Variants in NGEF observed in about 807,000 individuals in gnomAD.
The protein encoded by NGEF is ephexin-1.
NGEF carries 31 observed loss-of-function variants against 80.9 expected under a neutral mutation model. That is an observed-to-expected ratio of 0.38 (90% CI 0.29 to 0.52). NGEF has a LOEUF of 0.52. NGEF is among the 20% of genes least tolerant of loss of function. The probability of loss-of-function intolerance (pLI) is 0.84; values close to 1 mark genes in which losing one functional copy is unlikely to be tolerated. For synonymous variants in NGEF, 371 were observed against 370.2 expected (o/e 1.00, Z -0.03); for missense variants, 709 against 926.2 (o/e 0.77, Z 3.04).
At chr2:232,932,373 G>C (rs929866457) in intron 3 of NGEF, among the ~76,000 whole-genome samples, 2 of 151,812 alleles carry the variant, frequency 1.3e-5, no homozygotes, top group African/African-American at 4.8e-5. Flanking sequence ...CACCATGTTG[G>C]CCGGGCTGGT....
In NGEF at chr2:232,961,556, G is replaced by C. The variant is rs181638408; in HGVS notation, c.383+8658C>G. Among the ~76,000 whole-genome samples the C allele has an allele frequency of 7.9e-4, 120 of 152,064 alleles. 1 individual carries two copies. Among genetic ancestry groups the C allele is most frequent in the African/African-American group, 2.6e-3 (109 of 41,492 alleles). On this transcript the variant is annotated intron_variant, in intron 3 of 14. Transcript: ENST00000264051. ...CGCCCAGGCTGGAGTGCAGTGGCGC[G>C]ATCTCTGCTCACTGCAAGCTCCACC...
At chr2:232,978,240 C>G (rs1156709308) in intron 1 of NGEF, among the ~76,000 whole-genome samples, 1 of 151,770 alleles carries the variant, frequency 6.6e-6, no homozygotes, top group Non-Finnish European at 1.5e-5. Context: ...ACTTGAGGGG[C>G]TGGGCATGGT....
At chr2:232,888,354 AGTGTGCACACATGCACACC>A (rs1691765782) in intron 8 of NGEF, among the ~76,000 whole-genome samples, 1 of 108,606 alleles carries the variant, frequency 9.2e-6, no homozygotes, top group Non-Finnish European at 1.9e-5. Flanking sequence ...ACCTGCAAGC[AGTGTGCACACATGCACACC>A]GTGTAGAAAC....
intron 2 of NGEF, among the ~76,000 whole-genome samples, chr2:232,972,686 G>C (rs1196884364): frequency 2.0e-5 from 3 of 150,374 alleles, no homozygotes; most frequent in African/African-American, 7.3e-5. Flanking sequence ...CAGCCACCGG[G>C]TACCTGCATG....
rs1421039937 is a variant in NGEF, at chr2:232,920,512, T to G, written c.600A>C (p.Glu200Asp). 1 of 1,588,748 alleles carries G rather than the reference T, an allele frequency of 6.3e-7. No individual in the cohort carries two copies. Among genetic ancestry groups the G allele is most frequent in the Admixed American group, 1.7e-5 (1 of 57,828 alleles). Residue 200 changes from glutamate to aspartate, a missense_variant, in exon 5 of 15, where the codon GAA (glutamate) becomes GAC (aspartate). This residue lies in a region of NGEF where 283 missense variants were observed against 303.4 expected (regional missense o/e 0.93). Transcript: ENST00000264051. ...GGGACCCATTGGTATTGTCTTCTAT[T>G]TCTGCATCCTGTTGCCTCCTGGTTT... ...EIETRRQQDA[E>D]IEDNTNGSPA... is the part of the protein sequence containing the mutation.
chr2:232,942,787 C>T (rs550446953), intron 3 of NGEF, among the ~76,000 whole-genome samples: 6 of 115,626 alleles, frequency 5.2e-5, no homozygotes, highest in African/African-American at 1.1e-4. Flanking sequence ...CAGGAGACTC[C>T]GTCTCAAAAA....
rs10654316 is a variant in NGEF, at chr2:232,907,188, GA to G, written c.829-12273del. On this transcript the variant is annotated intron_variant, in intron 5 of 14. Transcript: ENST00000264051. The stretch of plus-strand genomic sequence containing the variant: ...AAAAAAAAAAAGAAAAGAAAAAAAA[GA>G]AAAAAAAAAAAAAAGGAGGAAAACA... Among the ~76,000 whole-genome samples the G allele has an allele frequency of 1.9e-3, 212 of 113,158 alleles. 3 individuals are homozygous for G. The highest frequency in any genetic ancestry group is 4.5e-3 in the Admixed American group (46 of 10,132). 74.2% of individuals were successfully genotyped at this position (113,158 alleles called of 152,430 possible). A position where few individuals can be genotyped will look rare whatever the true frequency, so the allele number is the denominator to read the frequency against.
intron 9 of NGEF, 136 bp from the exon 10 acceptor site, chr2:232,885,505 C>T (rs1164117315): frequency 1.4e-6 from 1 of 693,550 alleles, no homozygotes; most frequent in Non-Finnish European, 2.5e-6. Flanking sequence ...GCTGGCTGGC[C>T]AGTCTCAGTC....
At chr2:232,979,403 G>T (rs1694363592) in intron 1 of NGEF, among the ~76,000 whole-genome samples, 1 of 150,748 alleles carries the variant, frequency 6.6e-6, no homozygotes, top group East Asian at 2.0e-4. Flanking sequence ...CACAGGAAGA[G>T]ATTGTAAAAC....
At chr2:232,898,862 G>A (rs1692177594) in intron 5 of NGEF, among the ~76,000 whole-genome samples, 2 of 152,244 alleles carry the variant, frequency 1.3e-5, no homozygotes, top group South Asian at 2.1e-4. Context: ...AGACATACGC[G>A]AGTCAGGGTG....
intron 4 of NGEF, among the ~76,000 whole-genome samples, chr2:232,925,563 A>G (rs1693044782): frequency 6.6e-6 from 1 of 152,116 alleles, no homozygotes; most frequent in Non-Finnish European, 1.5e-5. Context: ...GACTTCTGCC[A>G]CCAGCCCAGC....
intron 3 of NGEF, among the ~76,000 whole-genome samples, chr2:232,932,191 A>T (rs1351622483): frequency 2.2e-5 from 3 of 135,730 alleles, no homozygotes; most frequent in East Asian, 2.1e-4. Context: ...TTGAGACAGA[A>T]TCTTGCTCTA....
chr2:232,929,884 G>T (rs1693183808), intron 3 of NGEF, among the ~76,000 whole-genome samples: 1 of 152,170 alleles, frequency 6.6e-6, no homozygotes, highest in South Asian at 2.1e-4. Flanking sequence ...AATCATGGGG[G>T]TGGTTTCCCC....
intron 3 of NGEF, among the ~76,000 whole-genome samples, chr2:232,951,234 T>C (rs897745535): frequency 6.6e-6 from 1 of 152,182 alleles, no homozygotes; most frequent in South Asian, 2.1e-4. Flanking sequence ...CCTCGATGTC[T>C]AGGGCTTTTC....
At chr2:232,988,345 A>T (rs1296676808) in intron 1 of NGEF, among the ~76,000 whole-genome samples, 1 of 152,240 alleles carries the variant, frequency 6.6e-6, no homozygotes, top group Non-Finnish European at 1.5e-5. Flanking sequence ...CAGAAAGTTG[A>T]TACAAATCAC....
At chr2:232,935,026 T>G (rs778346) in intron 3 of NGEF, among the ~76,000 whole-genome samples, 38,580 of 151,480 alleles carry the variant, frequency 0.25, 5,323 homozygotes, top group Non-Finnish European at 0.31. Context: ...AAAATAATAA[T>G]AAGAATAATT....
At chr2:233,004,726 C>T (rs1695051738) in intron 1 of NGEF, among the ~76,000 whole-genome samples, 1 of 152,178 alleles carries the variant, frequency 6.6e-6, no homozygotes, top group South Asian at 2.1e-4. Flanking sequence ...TCCCCTTCCC[C>T]CTGCTCCCTC....
intron 3 of NGEF, among the ~76,000 whole-genome samples, chr2:232,956,858 A>G (rs12616401): frequency 0.19 from 28,621 of 150,468 alleles, 2,924 homozygotes; most frequent in East Asian, 0.34. Context: ...AACAAAATAA[A>G]AGCGCATAAG....
intron 3 of NGEF, among the ~76,000 whole-genome samples, chr2:232,959,579 C>CGT (rs1693902580): frequency 7.1e-6 from 1 of 139,942 alleles, no homozygotes; most frequent in Non-Finnish European, 1.5e-5. Context: ...CAGCAATGAC[C>CGT]TTTTTTTTTT....
Sources: gnomAD v4.1 joint callset for allele counts (sites outside exome capture counted in the v4.1 genomes callset) on GRCh38, gnomAD v4.1.1 for gene constraint, gnomAD v4.1.1 regional missense constraint, MANE v1.5 for transcripts, NCBI Gene and HGNC (gene_info 2026-07-23, HGNC 2026-07-21) for gene names.